Variants in ERC2 observed in about 807,000 individuals in gnomAD.
ERC2 encodes ERC protein 2.
ERC2 carries 42 observed loss-of-function variants against 114.8 expected under a neutral mutation model. The ratio of observed to expected loss-of-function variants is 0.37; its 90% confidence interval spans 0.29 to 0.47. The LOEUF is 0.47. ERC2 is among the 20% of genes least tolerant of loss of function. The pLI, the probability that ERC2 is intolerant of heterozygous loss-of-function variation, is 0.99. For synonymous variants in ERC2, 454 were observed against 425.5 expected (o/e 1.07, Z -0.82); for missense variants, 939 against 1,150.7 (o/e 0.82, Z 2.66).
intron 3 of ERC2, among the ~76,000 whole-genome samples, chr3:56,213,646 C>T (rs776206908): frequency 2.6e-5 from 4 of 152,240 alleles, no homozygotes; most frequent in Non-Finnish European, 2.9e-5. Context: ...ATGTCCCTGT[C>T]TGACAGCTTG....
intron 15 of ERC2, among the ~76,000 whole-genome samples, chr3:55,712,838 C>T (rs1455667200): frequency 6.6e-6 from 1 of 152,100 alleles, no homozygotes; most frequent in Non-Finnish European, 1.5e-5. Flanking sequence ...CTCAACTAGT[C>T]ACTCCCCACT....
At chr3:56,207,230 G>A (rs2048790947) in intron 3 of ERC2, among the ~76,000 whole-genome samples, 1 of 151,370 alleles carries the variant, frequency 6.6e-6, no homozygotes, top group Non-Finnish European at 1.5e-5. Flanking sequence ...CAAAACAAGG[G>A]ATTATTTTTA....
intron 1 of ERC2, among the ~76,000 whole-genome samples, chr3:56,455,772 A>G (rs932710669): frequency 6.6e-6 from 1 of 152,218 alleles, no homozygotes; most frequent in Admixed American, 6.5e-5. Context: ...GGAAGAGACT[A>G]AAAAAATCTA....
Position 55,957,140 on chromosome 3 carries a change from T to C in ERC2, c.2268-6580A>G, listed in dbSNP as rs538241285. On this transcript the variant is annotated intron_variant, in intron 12 of 17. Coordinates refer to ENST00000288221, the MANE Select transcript of ERC2 (RefSeq NM_015576.3). ...TGAAAACTTGAGAAGTAGAACGTCC[T>C]GGAGGGAAAGACAATTTTAGCCTCC... 3.9e-5 allele frequency among the ~76,000 whole-genome samples: 6 copies of C among 152,304 alleles called. 1 individual carries two copies. The East Asian group carries it at 1.2e-3, about 29-fold the overall frequency.
intron 2 of ERC2, among the ~76,000 whole-genome samples, chr3:56,399,674 C>A (rs1337025181): frequency 1.4e-5 from 2 of 141,074 alleles, no homozygotes; most frequent in East Asian, 4.0e-4. Context: ...GTTCTAAGCA[C>A]ATTTTTTATT....
intron 14 of ERC2, among the ~76,000 whole-genome samples, chr3:55,755,269 A>T (rs927256537): frequency 3.3e-5 from 5 of 152,188 alleles, no homozygotes; most frequent in Non-Finnish European, 5.9e-5. Flanking sequence ...ATCTTGCTTA[A>T]GTTACCAGCA....
At chr3:55,785,857 T>C (rs2069443557) in intron 14 of ERC2, among the ~76,000 whole-genome samples, 1 of 152,232 alleles carries the variant, frequency 6.6e-6, no homozygotes, top group Non-Finnish European at 1.5e-5. Context: ...ATTCTAATCC[T>C]TTCCTGTAAG....
chr3:55,622,882 G>A (rs982018884), intron 17 of ERC2, among the ~76,000 whole-genome samples: 2 of 151,992 alleles, frequency 1.3e-5, no homozygotes, highest in South Asian at 2.1e-4. Context: ...GGTTCCGACC[G>A]AGACTTGGAC....
intron 14 of ERC2, among the ~76,000 whole-genome samples, chr3:55,818,164 C>T (rs1483725492): frequency 6.6e-6 from 1 of 152,204 alleles, no homozygotes; most frequent in African/African-American, 2.4e-5. Context: ...AGACCATACC[C>T]TGAATGTTTC....
intron 6 of ERC2, among the ~76,000 whole-genome samples, chr3:56,116,957 ACTGAATG>A (rs1409336299): frequency 2.0e-5 from 3 of 152,184 alleles, no homozygotes; most frequent in African/African-American, 7.2e-5. Context: ...GCATCCTATT[ACTGAATG>A]CTTATTCTCA....
At chr3:56,312,294 A>C (rs1318419246) in intron 2 of ERC2, among the ~76,000 whole-genome samples, 2 of 152,228 alleles carry the variant, frequency 1.3e-5, no homozygotes, top group Non-Finnish European at 2.9e-5. Flanking sequence ...TTTAAAAATT[A>C]TCCGATCGAT....
intron 3 of ERC2, among the ~76,000 whole-genome samples, chr3:56,181,803 C>T (rs2083300716): frequency 6.6e-6 from 1 of 152,178 alleles, no homozygotes; most frequent in African/African-American, 2.4e-5. Flanking sequence ...TAGATGGCAG[C>T]TGCCACATCA....
chr3:55,932,989 A>G (rs960059204), intron 13 of ERC2, among the ~76,000 whole-genome samples: 2 of 152,216 alleles, frequency 1.3e-5, no homozygotes, highest in Non-Finnish European at 1.5e-5. Context: ...TGGGTGGATC[A>G]CTTGAGGTCA....
At chr3:56,427,422 A>C (rs1221519371) in intron 2 of ERC2, among the ~76,000 whole-genome samples, 2 of 152,132 alleles carry the variant, frequency 1.3e-5, no homozygotes, top group Non-Finnish European at 2.9e-5. Flanking sequence ...CACTGCACCC[A>C]GCCTAGTAAA....
chr3:56,347,812 G>C (rs1223144884), intron 2 of ERC2, among the ~76,000 whole-genome samples: 3 of 152,102 alleles, frequency 2.0e-5, no homozygotes, highest in Admixed American at 6.6e-5. Flanking sequence ...AATGGCAAAT[G>C]CCTCCTGCAG....
intron 3 of ERC2, among the ~76,000 whole-genome samples, chr3:56,216,081 G>A (rs1297594951): frequency 1.3e-5 from 2 of 152,112 alleles, no homozygotes; most frequent in African/African-American, 4.8e-5. Context: ...ACAATTAAAA[G>A]AACTAGAGAA....
rs1333709610 is a variant in ERC2, at chr3:56,018,989, G to A, written c.1684C>T (p.Leu562=). The change falls in exon 8 of 18, where the codon CTG becomes TTG. Residue 562 remains leucine, a synonymous_variant. Transcript: ENST00000288221. Reference sequence around the variant, plus strand: ...TTCACTCTGTCTTTCAGGTTGGTCAGTTGCTTGTCTTTATCCCTAAGTTGT... The same window carrying A: ...TTCACTCTGTCTTTCAGGTTGGTCAATTGCTTGTCTTTATCCCTAAGTTGT... The part of the protein sequence containing the change: ...QEQLRDKDKQ[L]TNLKDRVKSL... 6.2e-7 allele frequency: 1 copy of A among 1,612,860 alleles called. No homozygotes were observed. The highest frequency in any genetic ancestry group is 8.5e-7 in the Non-Finnish European group (1 of 1,179,384).
At chr3:55,659,707 C>T (rs1212045815) in intron 17 of ERC2, among the ~76,000 whole-genome samples, 1 of 152,174 alleles carries the variant, frequency 6.6e-6, no homozygotes, top group Non-Finnish European at 1.5e-5. Flanking sequence ...TGACCTCAGT[C>T]TCAACCGATA....
At chr3:55,936,568 T>C (rs1330402497) in intron 13 of ERC2, among the ~76,000 whole-genome samples, 5 of 152,100 alleles carry the variant, frequency 3.3e-5, no homozygotes, top group Admixed American at 2.0e-4. Flanking sequence ...GAAAACGACA[T>C]GGCAGCAGAA....
Sources: allele counts gnomAD v4.1 joint callset (sites outside exome capture counted in the v4.1 genomes callset), GRCh38; gene constraint gnomAD v4.1.1; transcripts MANE v1.5; gene names NCBI Gene and HGNC (gene_info 2026-07-23, HGNC 2026-07-21).